The following NFKB1 variants were observed in gnomAD, a reference collection of about 807,000 sequenced individuals.
The protein encoded by NFKB1 is nuclear factor NF-kappa-B p105 subunit.
Under a neutral mutation model 105.1 loss-of-function variants are expected in NFKB1, and 9 were observed. That is an observed-to-expected ratio of 0.09 (90% confidence interval 0.05 to 0.15). The LOEUF (loss-of-function observed/expected upper bound fraction) is 0.15, where lower values mean the gene tolerates loss of function less well. Among genes scored for constraint, NFKB1 ranks in the 10% least tolerant of loss-of-function variants. The pLI is 1.00. For missense variants in NFKB1, 830 were observed against 1,203.7 expected (o/e 0.69, Z 4.59); for synonymous variants, 440 against 442.2 (o/e 1.00, Z 0.06).
chr4:102,536,645 C>A (rs560185936), intron 4 of NFKB1, among the ~76,000 whole-genome samples: 2 of 152,198 alleles, frequency 1.3e-5, no homozygotes, highest in Non-Finnish European at 2.9e-5. Flanking sequence ...TCAAAGCTGT[C>A]AAAATCTGCA....
chr4:102,540,723 TCC>T, intron 5 of NFKB1, among the ~76,000 whole-genome samples: 3 of 152,204 alleles, frequency 2.0e-5, no homozygotes, highest in Middle Eastern at 6.8e-3. Context: ...ATTTTATTTA[TCC>T]AAGAAATTCT....
At chr4:102,510,928 G>T in intron 1 of NFKB1, 1 of 1,285,080 alleles carries the variant, frequency 7.8e-7, no homozygotes, top group Non-Finnish European at 1.0e-6. Context: ...GCATATCTTG[G>T]AGATATGAAA....
In NFKB1 at chr4:102,580,548, A is replaced by G. The variant is rs748099767; in HGVS notation, c.744A>G (p.Ala248=). ...CCCTGTGAACAGAAGCCCCCAATGC[A>G]TCCAACTTGAAAATTGTAAGAATGG... ...DAIYDSKAPN[A]SNLKIVRMDR... Residue 248 remains alanine (A), a synonymous_variant, in exon 9 of 24, where the codon GCA becomes GCG. Coordinates refer to ENST00000226574, the MANE Select transcript of NFKB1 (RefSeq NM_003998.4). 1.9e-6 allele frequency: 3 copies of G among 1,613,900 alleles called. No homozygotes were observed. The highest frequency in any genetic ancestry group is 2.5e-6 in the Non-Finnish European group (3 of 1,179,810).
intron 1 of NFKB1, among the ~76,000 whole-genome samples, chr4:102,510,071 C>A (rs1346305877): frequency 1.3e-5 from 2 of 152,128 alleles, no homozygotes; most frequent in African/African-American, 4.8e-5. Context: ...CTTATGCCCT[C>A]CCTGTATGAG....
At chr4:102,598,065 A>T (rs1726788860) in intron 15 of NFKB1, among the ~76,000 whole-genome samples, 3 of 152,172 alleles carry the variant, frequency 2.0e-5, no homozygotes, top group Admixed American at 1.3e-4. Flanking sequence ...AAGCCCAATA[A>T]AGGCAGCAAC....
intron 1 of NFKB1, among the ~76,000 whole-genome samples, chr4:102,505,485 G>C (rs1332669213): frequency 2.0e-5 from 3 of 151,922 alleles, no homozygotes; most frequent in Non-Finnish European, 4.4e-5. Flanking sequence ...TGATATATTT[G>C]GTTTAATTAT....
intron 11 of NFKB1, among the ~76,000 whole-genome samples, chr4:102,589,228 GC>G (rs1254000621): frequency 1.3e-5 from 2 of 152,128 alleles, no homozygotes; most frequent in African/African-American, 4.8e-5. Flanking sequence ...TAGTCTCTTT[GC>G]TGGAATCCAT....
chr4:102,513,206 C>T (rs948565096), intron 1 of NFKB1, among the ~76,000 whole-genome samples: 2 of 152,188 alleles, frequency 1.3e-5, no homozygotes, highest in Non-Finnish European at 2.9e-5. Context: ...TGAAAGACCT[C>T]ACACCATGAA....
At chr4:102,601,347 A>G (rs1218948571) in intron 16 of NFKB1, among the ~76,000 whole-genome samples, 2 of 148,252 alleles carry the variant, frequency 1.3e-5, no homozygotes, top group Non-Finnish European at 3.0e-5. Flanking sequence ...AAGTTAAAAA[A>G]AGTTTGAAAA....
chr4:102,523,815 G>C (rs1456246472), intron 1 of NFKB1, among the ~76,000 whole-genome samples: 6 of 152,140 alleles, frequency 3.9e-5, no homozygotes, highest in Non-Finnish European at 7.4e-5. Flanking sequence ...GCCCAGACCT[G>C]GAAGTGGTAT....
intron 19 of NFKB1, 131 bp downstream of exon 19, chr4:102,607,882 A>T: frequency 1.3e-6 from 1 of 749,066 alleles, no homozygotes; most frequent in Non-Finnish European, 2.3e-6. Context: ...AATAAAAATT[A>T]TATGGCAAAT....
intron 2 of NFKB1, among the ~76,000 whole-genome samples, chr4:102,526,891 G>A (rs560303079): frequency 8.6e-5 from 13 of 151,762 alleles, no homozygotes; most frequent in Middle Eastern, 3.4e-3. Flanking sequence ...TCTTAAAACC[G>A]ACATTTTCGC....
intron 6 of NFKB1, among the ~76,000 whole-genome samples, chr4:102,572,081 A>G (rs1724415474): frequency 1.3e-5 from 2 of 152,172 alleles, no homozygotes; most frequent in South Asian, 4.1e-4. Context: ...CTTGGAACCA[A>G]CCCAAATGTC....
intron 20 of NFKB1, 111 bp downstream of exon 20, chr4:102,610,810 A>C (rs1728338049): frequency 3.1e-6 from 4 of 1,309,730 alleles, no homozygotes; most frequent in African/African-American, 1.5e-5. Flanking sequence ...CATGCCTTTT[A>C]TTTTTAAGAA....
chr4:102,506,515 A>G (rs894120614), intron 1 of NFKB1, among the ~76,000 whole-genome samples: 8 of 152,162 alleles, frequency 5.3e-5, no homozygotes, highest in African/African-American at 1.7e-4. Flanking sequence ...TTCCAACACT[A>G]TAGAAGCTGG....
At chr4:102,542,876 A>G (rs1742099077) in intron 5 of NFKB1, among the ~76,000 whole-genome samples, 1 of 152,230 alleles carries the variant, frequency 6.6e-6, no homozygotes, top group African/African-American at 2.4e-5. Context: ...TTATAGCAAA[A>G]AATAATATTC....
chr4:102,597,443 A>G, intron 14 of NFKB1, 77 bp from the exon 15 acceptor site: 2 of 1,405,990 alleles, frequency 1.4e-6, no homozygotes, highest in Non-Finnish European at 9.6e-7. Context: ...GATGCTGGTC[A>G]GTTTGTCCTT....
intron 2 of NFKB1, among the ~76,000 whole-genome samples, chr4:102,528,615 A>G (rs1434857742): frequency 6.6e-6 from 1 of 152,184 alleles, no homozygotes; most frequent in Non-Finnish European, 1.5e-5. Context: ...AAAGTAAAAT[A>G]TGGCTGGTTT....
intron 6 of NFKB1, among the ~76,000 whole-genome samples, chr4:102,576,528 T>G (rs1307162285): frequency 6.6e-6 from 1 of 152,160 alleles, no homozygotes; most frequent in African/African-American, 2.4e-5. Context: ...GCAGACTCAT[T>G]TGGTAGTAAA....
Sources: gnomAD v4.1 joint callset for allele counts (sites outside exome capture counted in the v4.1 genomes callset) on GRCh38, gnomAD v4.1.1 for gene constraint, MANE v1.5 for transcripts, NCBI Gene and HGNC (gene_info 2026-07-23, HGNC 2026-07-21) for gene names.